NECAB1: variants seen among roughly 807,000 people sequenced by gnomAD.
The protein encoded by NECAB1 is N-terminal EF-hand calcium binding protein 1.
In NECAB1, 29 loss-of-function variants were observed where a neutral mutation model predicts 57.5. That is an observed-to-expected ratio of 0.50 (90% CI 0.38 to 0.69). NECAB1 has a LOEUF of 0.69. Ranked by LOEUF, NECAB1 falls within the 30% of genes least tolerant of loss-of-function variation. The pLI is 0.00. For missense variants in NECAB1, 372 were observed against 413.8 expected, an observed-to-expected ratio of 0.90 and a Z score of 0.88; for synonymous variants, 142 against 147.7, an observed-to-expected ratio of 0.96 and a Z score of 0.28.
rs577244792 is a variant in NECAB1 at position 90,863,429 on chromosome 8, T to C, written c.234-8699T>C. On this transcript the variant is annotated intron_variant, in intron 3 of 12. Transcript: ENST00000417640. ...TTCTCTAAAGTAACATTCTTATTTC[T>C]CTGAGTTCTTTTCAATTTTTCAAAA... 9.2e-4 allele frequency among the ~76,000 whole-genome samples: 140 copies of C among 152,258 alleles called. 1 individual carries two copies. Among genetic ancestry groups the C allele is most frequent in the African/African-American group, 3.3e-3 (138 of 41,560 alleles).
chr8:90,843,811 A>G (rs1441087826), intron 3 of NECAB1, among the ~76,000 whole-genome samples: 1 of 152,216 alleles, frequency 6.6e-6, no homozygotes, highest in South Asian at 2.1e-4. Flanking sequence ...ACATCAAGGA[A>G]AAGAAAAAAT....
chr8:90,852,843 A>C (rs1319501287), intron 3 of NECAB1, among the ~76,000 whole-genome samples: 3 of 152,174 alleles, frequency 2.0e-5, no homozygotes, highest in Non-Finnish European at 4.4e-5. Flanking sequence ...ACCATCCTTC[A>C]ATTCATTCGT....
chr8:90,865,349 T>C (rs1808493508), intron 3 of NECAB1, among the ~76,000 whole-genome samples: 1 of 152,132 alleles, frequency 6.6e-6, no homozygotes, highest in South Asian at 2.1e-4. Context: ...GGACCTCCTA[T>C]AGACTGGACT....
chr8:90,906,883 A>ATATATGTGTATATATATATATATGTG (rs1554574051), intron 5 of NECAB1, among the ~76,000 whole-genome samples: 10 of 80,758 alleles, frequency 1.2e-4, no homozygotes, highest in African/African-American at 4.8e-4. Context: ...ACACATATAT[A>ATATATGTGTATATATATATATATGTG]TATATATATA....
At chr8:90,943,184 C>T (rs1448054042) in intron 10 of NECAB1, among the ~76,000 whole-genome samples, 2 of 152,154 alleles carry the variant, frequency 1.3e-5, no homozygotes, top group Non-Finnish European at 1.5e-5. Context: ...TAGATTTGTG[C>T]CGCCTGCTGC....
chr8:90,834,708 G>A (rs936089891), intron 3 of NECAB1, among the ~76,000 whole-genome samples: 3 of 152,084 alleles, frequency 2.0e-5, no homozygotes, highest in Non-Finnish European at 4.4e-5. Flanking sequence ...AAAAAGAGTT[G>A]AAAATATAGA....
intron 5 of NECAB1, among the ~76,000 whole-genome samples, chr8:90,889,870 C>T (rs547851327): frequency 6.6e-6 from 1 of 152,246 alleles, no homozygotes; most frequent in Non-Finnish European, 1.5e-5. Flanking sequence ...TAAGTCCAGC[C>T]CACACTCAGT....
intron 3 of NECAB1, among the ~76,000 whole-genome samples, chr8:90,856,689 A>G (rs1812801206): frequency 6.6e-6 from 1 of 152,200 alleles, no homozygotes; most frequent in East Asian, 1.9e-4. Context: ...TCCTTTGAAA[A>G]CAAAACTTTA....
At chr8:90,874,200 A>T (rs1366276644) in intron 4 of NECAB1, among the ~76,000 whole-genome samples, 1 of 152,182 alleles carries the variant, frequency 6.6e-6, no homozygotes, top group East Asian at 1.9e-4. Flanking sequence ...CACACCCAGC[A>T]CAAATTCCCC....
chr8:90,808,501 G>A (rs1811892979), intron 2 of NECAB1, among the ~76,000 whole-genome samples: 1 of 152,120 alleles, frequency 6.6e-6, no homozygotes, highest in Admixed American at 6.5e-5. Context: ...TGGAAATAAA[G>A]GCAATGCCTC....
chr8:90,940,976 G>A, intron 10 of NECAB1, 78 bp downstream of exon 10: 1 of 1,050,260 alleles, frequency 9.5e-7, no homozygotes, highest in Admixed American at 2.0e-5. Flanking sequence ...TTTAGACAAG[G>A]CTGGGGGTCT....
At chr8:90,805,369 G>A (rs1275203913) in intron 2 of NECAB1, among the ~76,000 whole-genome samples, 3 of 141,958 alleles carry the variant, frequency 2.1e-5, no homozygotes, top group Admixed American at 7.1e-5. Flanking sequence ...TTGTTCGCCT[G>A]CCCAGAGGAC....
intron 5 of NECAB1, among the ~76,000 whole-genome samples, chr8:90,906,901 A>G (rs1205068909): frequency 2.2e-5 from 3 of 139,310 alleles, no homozygotes; most frequent in African/African-American, 5.7e-5. Flanking sequence ...ATATATATAT[A>G]TATATATATC....
chr8:90,925,564 C>T lies in NECAB1; in HGVS notation c.524C>T (p.Ser175Leu), dbSNP rs1433479859. ...RQGPAKPEVL[S>L]IQWPGKRSSR... ...GGGCCAGCCAAGCCAGAAGTCCTGT[C>T]GATTCAATGGCCTGGAAAACGATCA... Residue 175 changes from serine to leucine, a missense_variant, in exon 7 of 13, where the codon TCG becomes TTG. Physicochemically the swap from Ser to Leu is moderately radical, Grantham distance 145 (BLOSUM62 -2). Coordinates refer to ENST00000417640, the MANE Select transcript of NECAB1 (RefSeq NM_022351.5). The T allele has an allele frequency of 3.1e-6, 5 of 1,613,036 alleles. No homozygotes were observed. The highest frequency in any genetic ancestry group is 2.7e-5 in the African/African-American group (2 of 75,014).
intron 1 of NECAB1, among the ~76,000 whole-genome samples, chr8:90,797,495 A>C (rs1285343581): frequency 6.6e-6 from 1 of 152,206 alleles, no homozygotes; most frequent in Non-Finnish European, 1.5e-5. Flanking sequence ...CTCATGTTTC[A>C]AGCTGGCCAG....
intron 5 of NECAB1, among the ~76,000 whole-genome samples, chr8:90,902,477 T>C (rs931376647): frequency 2.0e-5 from 3 of 152,152 alleles, no homozygotes; most frequent in Non-Finnish European, 2.9e-5. Context: ...AAGGAGTCAA[T>C]TGAATTACGT....
chr8:90,888,891 T>G (rs773648427), intron 5 of NECAB1, among the ~76,000 whole-genome samples: 12 of 152,162 alleles, frequency 7.9e-5, no homozygotes, highest in Admixed American at 1.3e-4. Flanking sequence ...GCAGGGTTAT[T>G]GAATTGACTG....
At chr8:90,902,543 AC>A (rs1233080729) in intron 5 of NECAB1, among the ~76,000 whole-genome samples, 2 of 152,210 alleles carry the variant, frequency 1.3e-5, no homozygotes, top group Non-Finnish European at 2.9e-5. Context: ...TATAACACAC[AC>A]ATAAATTATA....
At chr8:90,943,383 G>A (rs1418583706) in intron 10 of NECAB1, among the ~76,000 whole-genome samples, 1 of 152,082 alleles carries the variant, frequency 6.6e-6, no homozygotes, top group African/African-American at 2.4e-5. Flanking sequence ...TTCTTTTACT[G>A]GAATTATCAA....
Sources: gnomAD v4.1 joint callset for allele counts (sites outside exome capture counted in the v4.1 genomes callset) on GRCh38, gnomAD v4.1.1 for gene constraint, MANE v1.5 for transcripts, NCBI Gene and HGNC (gene_info 2026-07-23, HGNC 2026-07-21) for gene names.